Variants in COL25A1 observed in about 807,000 individuals in gnomAD.
The protein encoded by COL25A1 is collagen alpha-1(XXV) chain.
In COL25A1, 103 loss-of-function variants were observed where a neutral mutation model predicts 128.4. The ratio of observed to expected loss-of-function variants is 0.80; its 90% CI spans 0.68 to 0.94. COL25A1 has a LOEUF of 0.94. Among genes scored for constraint, COL25A1 ranks in the 40% least tolerant of loss-of-function variants. The pLI, the probability that COL25A1 is intolerant of heterozygous loss-of-function variation, is 0.00. For missense variants in COL25A1, 745 were observed against 840.0 expected, an observed-to-expected ratio of 0.89 and a Z score of 1.40; for synonymous variants, 279 against 277.2, an observed-to-expected ratio of 1.01 and a Z score of -0.06.
chr4:109,220,976 A>G (rs1328604724), intron 3 of COL25A1, among the ~76,000 whole-genome samples: 1 of 152,152 alleles, frequency 6.6e-6, no homozygotes. Context: ...AATAATGTGG[A>G]AACTGAATGT....
chr4:109,299,527 T>C (rs911547766), intron 3 of COL25A1, among the ~76,000 whole-genome samples: 2 of 152,168 alleles, frequency 1.3e-5, no homozygotes, highest in African/African-American at 2.4e-5. Flanking sequence ...ATGTGGTGCC[T>C]TGTGTAGCTC....
rs376121899 is a variant in COL25A1, at chr4:109,022,755, G to C, written c.421-12380C>G. Among the ~76,000 whole-genome samples the C allele has an allele frequency of 1.3e-4, 20 of 152,250 alleles. No individual in the cohort carries two copies. In the South Asian group the frequency reaches 3.9e-3, roughly 30 times the overall value. ...CACAAATATTTAAAGTCAATGAAAT[G>C]AGCTTATTCTGAAAGTATACACCAG... On this transcript the variant is annotated intron_variant, in intron 5 of 37. Transcript: ENST00000399132.
chr4:109,013,570 G>T (rs1226192670), intron 5 of COL25A1, among the ~76,000 whole-genome samples: 1 of 152,140 alleles, frequency 6.6e-6, no homozygotes, highest in African/African-American at 2.4e-5. Context: ...TTTATGAGCT[G>T]TAACACTCAC....
chr4:108,938,215 T>C (rs1312276643), intron 10 of COL25A1, among the ~76,000 whole-genome samples: 2 of 152,184 alleles, frequency 1.3e-5, no homozygotes, highest in Non-Finnish European at 2.9e-5. Context: ...TAATGACGGC[T>C]GAAGTAACAT....
chr4:109,024,923 G>A (rs1267817690), intron 5 of COL25A1, among the ~76,000 whole-genome samples: 1 of 152,142 alleles, frequency 6.6e-6, no homozygotes, highest in Non-Finnish European at 1.5e-5. Flanking sequence ...AATAAAGAAA[G>A]GGGCAGAAGA....
At chr4:108,860,522 C>T (rs140141734) in intron 23 of COL25A1, among the ~76,000 whole-genome samples, 4 of 152,214 alleles carry the variant, frequency 2.6e-5, no homozygotes, top group Admixed American at 6.5e-5. Flanking sequence ...AAGACTTCTA[C>T]CCTGCTTATT....
At chr4:109,236,467 A>C (rs1779486214) in intron 3 of COL25A1, among the ~76,000 whole-genome samples, 1 of 152,078 alleles carries the variant, frequency 6.6e-6, no homozygotes, top group Admixed American at 6.6e-5. Context: ...TAACGCCTAT[A>C]GCTCATTCTT....
At chr4:109,192,592 C>T (rs909289078) in intron 3 of COL25A1, among the ~76,000 whole-genome samples, 31 of 152,290 alleles carry the variant, frequency 2.0e-4, no homozygotes, top group African/African-American at 7.5e-4. Flanking sequence ...CAGTGGCTCG[C>T]GCCTATAATC....
At chr4:109,036,859 A>G (rs1759409884) in intron 5 of COL25A1, among the ~76,000 whole-genome samples, 1 of 152,220 alleles carries the variant, frequency 6.6e-6, no homozygotes, top group Non-Finnish European at 1.5e-5. Context: ...CACCTGTGAA[A>G]AAGCCTGAAC....
chr4:108,827,873 G>A (rs1045534068), intron 32 of COL25A1, among the ~76,000 whole-genome samples: 24 of 152,058 alleles, frequency 1.6e-4, no homozygotes, highest in Middle Eastern at 3.4e-3. Flanking sequence ...ACCCTTTCTC[G>A]ATTGCCCACT....
At chr4:108,899,086 T>C (rs2125861502) in intron 15 of COL25A1, 68 bp downstream of exon 15, 5 of 1,507,174 alleles carry the variant, frequency 3.3e-6, no homozygotes, top group Non-Finnish European at 4.6e-6. Flanking sequence ...TAGTTTAGTT[T>C]GAGTACTTCT....
At chr4:108,918,429 A>G (rs1446481977) in intron 12 of COL25A1, among the ~76,000 whole-genome samples, 1 of 152,234 alleles carries the variant, frequency 6.6e-6, no homozygotes, top group Non-Finnish European at 1.5e-5. Flanking sequence ...GCTTCTAAGT[A>G]TCCACTTAAC....
chr4:108,899,730 G>A (rs1351165270), intron 14 of COL25A1, among the ~76,000 whole-genome samples: 2 of 152,076 alleles, frequency 1.3e-5, no homozygotes, highest in Non-Finnish European at 2.9e-5. Context: ...CTGGTAAAGA[G>A]CATGTTCCAG....
chr4:109,058,855 A>G (rs753554246), intron 3 of COL25A1, among the ~76,000 whole-genome samples: 2 of 152,254 alleles, frequency 1.3e-5, no homozygotes, highest in African/African-American at 2.4e-5. Context: ...TACTCATAGA[A>G]TAATAATACA....
At chr4:108,968,519 C>T (rs58326758) in intron 8 of COL25A1, among the ~76,000 whole-genome samples, 45,768 of 150,866 alleles carry the variant, frequency 0.3, 7,483 homozygotes, top group South Asian at 0.46. Context: ...GTGGTGTTCA[C>T]ACAATGCAGT....
intron 8 of COL25A1, among the ~76,000 whole-genome samples, chr4:108,956,218 A>G (rs1750059740): frequency 6.6e-6 from 1 of 152,168 alleles, no homozygotes; most frequent in African/African-American, 2.4e-5. Context: ...GCACTTATGT[A>G]ACTGGATTTC....
intron 3 of COL25A1, among the ~76,000 whole-genome samples, chr4:109,132,399 C>T (rs1327131816): frequency 6.6e-6 from 1 of 152,114 alleles, no homozygotes; most frequent in African/African-American, 2.4e-5. Context: ...ACTAACAGAT[C>T]AGCTATTATT....
intron 3 of COL25A1, among the ~76,000 whole-genome samples, chr4:109,256,087 T>G (rs1284420300): frequency 1.1e-4 from 12 of 108,454 alleles, no homozygotes; most frequent in Admixed American, 4.1e-4. Context: ...TAAGCATTGG[T>G]GTGTGTGTGT....
intron 6 of COL25A1, among the ~76,000 whole-genome samples, chr4:108,989,921 T>A (rs959498178): frequency 6.6e-6 from 1 of 151,846 alleles, no homozygotes; most frequent in Non-Finnish European, 1.5e-5. Flanking sequence ...GATATAAAAA[T>A]TACCAAATAC....
Sources: allele counts gnomAD v4.1 joint callset (sites outside exome capture counted in the v4.1 genomes callset), GRCh38; gene constraint gnomAD v4.1.1; transcripts MANE v1.5; gene names NCBI Gene and HGNC (gene_info 2026-07-23, HGNC 2026-07-21).